The following PRKN variants were observed in gnomAD, a reference collection of about 807,000 sequenced individuals.
The protein encoded by PRKN is E3 ubiquitin-protein ligase parkin.
Under a neutral mutation model 59.5 loss-of-function variants are expected in PRKN, and 56 were observed. That is an observed-to-expected ratio of 0.94 (90% confidence interval 0.76 to 1.18). The LOEUF (loss-of-function observed/expected upper bound fraction) is 1.18, where lower values mean the gene tolerates loss of function less well. PRKN is among the 50% of genes most tolerant of loss of function. PRKN has a pLI of 0.00. For synonymous variants in PRKN, 250 were observed against 222.1 expected, an observed-to-expected ratio of 1.13 and a Z score of -1.12; for missense variants, 657 against 596.4, an observed-to-expected ratio of 1.10 and a Z score of -1.06.
intron 2 of PRKN, among the ~76,000 whole-genome samples, chr6:162,297,102 T>C (rs1445808267): frequency 1.3e-5 from 2 of 151,916 alleles, no homozygotes; most frequent in Non-Finnish European, 2.9e-5. Context: ...TTTCAAGCCA[T>C]AGCTTAATCC....
In PRKN at chr6:161,793,447, C is replaced by T. The variant is rs559169528; in HGVS notation, c.735-7539G>A. 1.2e-4 allele frequency among the ~76,000 whole-genome samples: 18 copies of T among 152,084 alleles called. No homozygotes were observed. In the South Asian group the frequency reaches 2.9e-3, roughly 25 times the overall value. On this transcript the variant is annotated intron_variant, in intron 6 of 11. Transcript: ENST00000366898. ...AGTCCCAATATTTCAGCATATACAA[C>T]GTAGCCAAGGTAAAATTCATTTATG...
At chr6:161,854,623 G>T (rs1039007187) in intron 6 of PRKN, among the ~76,000 whole-genome samples, 12 of 152,076 alleles carry the variant, frequency 7.9e-5, no homozygotes, top group African/African-American at 2.7e-4. Context: ...TGTAGTTATG[G>T]TTTTTTAAGA....
At chr6:161,702,312 T>A (rs1786285806) in intron 7 of PRKN, among the ~76,000 whole-genome samples, 1 of 152,210 alleles carries the variant, frequency 6.6e-6, no homozygotes, top group Non-Finnish European at 1.5e-5. Flanking sequence ...GATGAATGAC[T>A]GGATCTGCAG....
rs7738311 is a variant in PRKN, at chr6:161,549,619, G to T, written c.934-616C>A. Among the ~76,000 whole-genome samples the T allele has an allele frequency of 9.2e-3, 1,400 of 151,854 alleles. 17 individuals are homozygous for T. Among genetic ancestry groups the T allele is most frequent in the African/African-American group, 0.031 (1,290 of 41,374 alleles). The stretch of plus-strand genomic sequence containing the variant: ...GTGTCCCTGATGTCATTTCTTCCTG[G>T]TACCGTTTTGCTCAATTTCCTTTAA... On this transcript the variant is annotated intron_variant, in intron 8 of 11. Coordinates refer to ENST00000366898, the MANE Select transcript of PRKN (RefSeq NM_004562.3). This position sits in a 1 kb window ranked among gnomAD's most constrained non-coding sequence, Gnocchi z 6.0.
chr6:161,696,387 C>T (rs1311964109), intron 7 of PRKN, among the ~76,000 whole-genome samples: 1 of 152,148 alleles, frequency 6.6e-6, no homozygotes, highest in Non-Finnish European at 1.5e-5. Flanking sequence ...CTGTTTTGTA[C>T]CATGTAATTT....
rs564092497 is a variant in PRKN, at chr6:162,496,174, T to C, written c.8-52701A>G. ...ACAGCTTGAACCCCAAAGGTGGATG[T>C]TGCAGTGAGCCAAGATCACATAATT... On this transcript the variant is annotated intron_variant, in intron 1 of 11. Transcript: ENST00000366898. 5.2e-4 allele frequency among the ~76,000 whole-genome samples: 79 copies of C among 151,846 alleles called. No homozygotes were observed. In the South Asian group the frequency reaches 9.4e-3, roughly 18 times the overall value.
chr6:162,387,038 G>A (rs1398936788), intron 2 of PRKN, among the ~76,000 whole-genome samples: 1 of 151,824 alleles, frequency 6.6e-6, no homozygotes, highest in Non-Finnish European at 1.5e-5. Flanking sequence ...CTTGAGCAGG[G>A]ACCCCAAATA....
rs1371579837 is a variant in PRKN at position 161,460,353 on chromosome 6, G to T, written c.1084-73476C>A. ...TGCTTGGGAATAATGGGCAAAGGAG[G>T]TGCCATACTCCCTCTGGATAGTCTC... On this transcript the variant is annotated intron_variant, in intron 9 of 11. Transcript: ENST00000366898. The surrounding 1 kb of genome is among the most constrained non-coding windows in gnomAD (Gnocchi z 5.0). Among the ~76,000 whole-genome samples, 1 of 152,154 alleles carries T rather than the reference G, an allele frequency of 6.6e-6. No individual in the cohort carries two copies. Among genetic ancestry groups the T allele is most frequent in the Non-Finnish European group, 1.5e-5 (1 of 68,028 alleles).
rs1789489196 is a variant in PRKN at position 161,767,707 on chromosome 6, A to C, written c.871+18065T>G. ...AACTGAGGCTGTTTAGGTATTTGTA[A>C]CTATGTTACCTTAAAGGTTACTGTT... On this transcript the variant is annotated intron_variant, in intron 7 of 11. Transcript: ENST00000366898. 2.0e-5 allele frequency among the ~76,000 whole-genome samples: 3 copies of C among 148,674 alleles called. No individual in the cohort carries two copies. The South Asian group carries it at 6.3e-4, about 31-fold the overall frequency.
At chr6:162,702,545 C>T (rs1382714409) in intron 1 of PRKN, among the ~76,000 whole-genome samples, 1 of 152,160 alleles carries the variant, frequency 6.6e-6, no homozygotes, top group Non-Finnish European at 1.5e-5. Flanking sequence ...AAGTTCCTTT[C>T]TTCTACATCA....
chr6:162,339,163 C>A (rs1197136048), intron 2 of PRKN, among the ~76,000 whole-genome samples: 1 of 148,088 alleles, frequency 6.8e-6, no homozygotes, highest in Non-Finnish European at 1.5e-5. Flanking sequence ...AAGTGAGGAG[C>A]CTCTCCGCCC....
chr6:161,962,616 A>G (rs1023636453), intron 6 of PRKN, among the ~76,000 whole-genome samples: 12 of 149,612 alleles, frequency 8.0e-5, no homozygotes, highest in African/African-American at 2.7e-4. Context: ...GGCTCACTGC[A>G]ACCTCCACCT....
At chr6:162,336,483 G>A (rs1032860591) in intron 2 of PRKN, among the ~76,000 whole-genome samples, 1 of 152,140 alleles carries the variant, frequency 6.6e-6, no homozygotes, top group Admixed American at 6.5e-5. Flanking sequence ...TGAACTGACA[G>A]AGATTCACAC....
At chr6:162,647,337 T>C in intron 1 of PRKN, among the ~76,000 whole-genome samples, 1 of 151,690 alleles carries the variant, frequency 6.6e-6, no homozygotes, top group South Asian at 2.1e-4. Flanking sequence ...GAACAAACAA[T>C]CTGTTTTTGG....
At chr6:162,057,108 T>C (rs907604552) in intron 4 of PRKN, among the ~76,000 whole-genome samples, 2 of 152,018 alleles carry the variant, frequency 1.3e-5, no homozygotes, top group Non-Finnish European at 2.9e-5. Flanking sequence ...ATAGGATTGG[T>C]GATCAAGGCA....
At chr6:162,203,879 T>C (rs1583193482) in intron 3 of PRKN, among the ~76,000 whole-genome samples, 2 of 152,320 alleles carry the variant, frequency 1.3e-5, no homozygotes, top group Admixed American at 1.3e-4. Context: ...GTTTCCTCTT[T>C]TTGTATAGTA....
chr6:162,247,961 A>G (rs1779266128), intron 3 of PRKN, among the ~76,000 whole-genome samples: 1 of 152,204 alleles, frequency 6.6e-6, no homozygotes, highest in Non-Finnish European at 1.5e-5. Flanking sequence ...CCCCAGCCCC[A>G]TGATCAGATC....
intron 1 of PRKN, among the ~76,000 whole-genome samples, chr6:162,656,929 TTCTC>T: frequency 6.6e-6 from 1 of 152,324 alleles, no homozygotes; most frequent in East Asian, 1.9e-4. Context: ...AGCTTTCCTC[TTCTC>T]TCTGCTTTGT....
intron 2 of PRKN, among the ~76,000 whole-genome samples, chr6:162,298,527 G>A (rs1358847353): frequency 6.6e-6 from 1 of 151,930 alleles, no homozygotes. Context: ...TTTCCCTGAA[G>A]GGAAGGGTGA....
Sources: allele counts gnomAD v4.1 joint callset (sites outside exome capture counted in the v4.1 genomes callset), GRCh38; gene constraint gnomAD v4.1.1; non-coding constraint Gnocchi (gnomAD v3.1); transcripts MANE v1.5; gene names NCBI Gene and HGNC (gene_info 2026-07-23, HGNC 2026-07-21).